The following KHDRBS3 variants were observed in gnomAD, a reference collection of about 807,000 sequenced individuals.
The protein encoded by KHDRBS3 is KH domain-containing, RNA-binding, signal transduction-associated protein 3.
KHDRBS3 carries 23 observed loss-of-function variants against 45.6 expected under a neutral mutation model. That is an observed-to-expected ratio of 0.50 (90% CI 0.36 to 0.72). The LOEUF (loss-of-function observed/expected upper bound fraction) is 0.72, where lower values mean the gene tolerates loss of function less well. KHDRBS3 is among the 30% of genes least tolerant of loss of function. KHDRBS3 has a pLI of 0.00. For synonymous variants in KHDRBS3, 162 were observed against 156.5 expected, an observed-to-expected ratio of 1.04 and a Z score of -0.26; for missense variants, 352 against 424.8, an observed-to-expected ratio of 0.83 and a Z score of 1.51.
intron 7 of KHDRBS3, among the ~76,000 whole-genome samples, chr8:135,614,173 C>T (rs1269288288): frequency 6.6e-6 from 1 of 151,842 alleles, no homozygotes; most frequent in East Asian, 1.9e-4. Context: ...GAAATATAAA[C>T]TATTCTTTAC....
chr8:135,488,458 G>A (rs942505487), intron 1 of KHDRBS3, among the ~76,000 whole-genome samples: 4 of 152,096 alleles, frequency 2.6e-5, no homozygotes, highest in Non-Finnish European at 4.4e-5. Context: ...TTTGCAGACC[G>A]ACTTCAGATT....
chr8:135,627,152 C>G (rs895373837), intron 7 of KHDRBS3, among the ~76,000 whole-genome samples: 1 of 152,146 alleles, frequency 6.6e-6, no homozygotes, highest in Non-Finnish European at 1.5e-5. Context: ...AGTTTTCTCT[C>G]ATGCAAGGAT....
At chr8:135,465,034 A>C (rs943586791) in intron 1 of KHDRBS3, among the ~76,000 whole-genome samples, 1 of 152,224 alleles carries the variant, frequency 6.6e-6, no homozygotes, top group East Asian at 1.9e-4. Flanking sequence ...TACCATACAG[A>C]GGGCACACAG....
At chr8:135,556,303 A>G (rs1162399994) in intron 4 of KHDRBS3, among the ~76,000 whole-genome samples, 1 of 152,222 alleles carries the variant, frequency 6.6e-6, no homozygotes, top group African/African-American at 2.4e-5. Context: ...TCCTTGAGGA[A>G]ACGCCACACT....
chr8:135,468,105 G>A (rs1049590924), intron 1 of KHDRBS3, among the ~76,000 whole-genome samples: 1 of 151,962 alleles, frequency 6.6e-6, no homozygotes, highest in African/African-American at 2.4e-5. Flanking sequence ...CTTTAATTCA[G>A]TGGGTTATAA....
chr8:135,640,164 G>C (rs570439325), intron 7 of KHDRBS3, among the ~76,000 whole-genome samples: 1 of 152,072 alleles, frequency 6.6e-6, no homozygotes, highest in Non-Finnish European at 1.5e-5. Context: ...GAGGACAGAT[G>C]GGGGTATGCA....
chr8:135,559,819 CCAAT>C (rs1827082504), intron 5 of KHDRBS3, among the ~76,000 whole-genome samples: 1 of 152,136 alleles, frequency 6.6e-6, no homozygotes, highest in Admixed American at 6.5e-5. Context: ...AGCAAACCTC[CCAAT>C]CAAGAAATTA....
intron 4 of KHDRBS3, chr8:135,549,958 T>TTC (rs1395187497): frequency 6.6e-6 from 1 of 152,220 alleles, no homozygotes; most frequent in Non-Finnish European, 1.5e-5. Context: ...GACAATCTAT[T>TTC]TCTTCTTTTA....
At chr8:135,546,896 C>T (rs889034817) in intron 3 of KHDRBS3, among the ~76,000 whole-genome samples, 3 of 152,030 alleles carry the variant, frequency 2.0e-5, no homozygotes, top group African/African-American at 7.2e-5. Context: ...TGTACCCTGG[C>T]TACAGCTATG....
chr8:135,552,136 TGGC>T (rs371771463), intron 4 of KHDRBS3, among the ~76,000 whole-genome samples: 74 of 152,302 alleles, frequency 4.9e-4, no homozygotes, highest in African/African-American at 1.8e-3. Context: ...TCCTATTTGT[TGGC>T]TAAGCTTTGT....
chr8:135,534,929 A>G (rs1437214438), intron 2 of KHDRBS3, among the ~76,000 whole-genome samples: 1 of 152,190 alleles, frequency 6.6e-6, no homozygotes, highest in Non-Finnish European at 1.5e-5. Flanking sequence ...CAGGTGAAGA[A>G]GAGTCAGGCA....
chr8:135,470,767 G>T (rs1449490164), intron 1 of KHDRBS3, among the ~76,000 whole-genome samples: 2 of 151,978 alleles, frequency 1.3e-5, no homozygotes, highest in African/African-American at 4.8e-5. Context: ...TGTAGTTTTA[G>T]TAGAGACGAA....
intron 2 of KHDRBS3, chr8:135,538,995 T>C (rs554477873): frequency 6.6e-6 from 1 of 152,310 alleles, no homozygotes; most frequent in African/African-American, 2.4e-5. Context: ...CATGGAGGAA[T>C]TGAACTTGCA....
intron 1 of KHDRBS3, among the ~76,000 whole-genome samples, chr8:135,517,815 A>C (rs932604943): frequency 5.3e-5 from 8 of 152,286 alleles, no homozygotes; most frequent in African/African-American, 1.9e-4. Context: ...CATCAGGCTT[A>C]AAAAATTTAA....
intron 1 of KHDRBS3, among the ~76,000 whole-genome samples, chr8:135,487,762 T>A (rs1822937566): frequency 6.6e-6 from 1 of 152,180 alleles, no homozygotes; most frequent in Non-Finnish European, 1.5e-5. Flanking sequence ...TATGGGTGGA[T>A]GGCTGCTGTA....
intron 6 of KHDRBS3, among the ~76,000 whole-genome samples, chr8:135,584,563 G>C (rs1828372833): frequency 6.6e-6 from 1 of 152,204 alleles, no homozygotes; most frequent in Non-Finnish European, 1.5e-5. Context: ...ATTTAGCTTA[G>C]CATTTTGTGA....
At chr8:135,622,890 A>C (rs1217765905) in intron 7 of KHDRBS3, among the ~76,000 whole-genome samples, 1 of 152,228 alleles carries the variant, frequency 6.6e-6, no homozygotes, top group African/African-American at 2.4e-5. Context: ...GTCTTTCCTC[A>C]AAGTTGTATA....
At position 135,647,195 on chromosome 8, in the gene KHDRBS3, T is replaced by C; in HGVS notation, c.*111T>C. ...TTTAAATAAATCAGAATGCTTAAAA[T>C]CTGAATGGATGGAACTTAAAACTAC... On this transcript the variant is annotated 3_prime_UTR_variant, in exon 9 of 9. Transcript: ENST00000355849. The C allele has an allele frequency of 2.5e-6, 1 of 396,388 alleles. No homozygotes were observed. The highest frequency in any genetic ancestry group is 4.6e-6 in the Non-Finnish European group (1 of 216,930). 24.6% of individuals were successfully genotyped at this position (396,388 alleles called of 1,614,324 possible).
At chr8:135,620,269 T>C (rs961386255) in intron 7 of KHDRBS3, among the ~76,000 whole-genome samples, 1 of 152,000 alleles carries the variant, frequency 6.6e-6, no homozygotes, top group Admixed American at 6.6e-5. Flanking sequence ...CTCAGCTAAT[T>C]TTCGTATTTT....
Sources: allele counts gnomAD v4.1 joint callset (sites outside exome capture counted in the v4.1 genomes callset), GRCh38; gene constraint gnomAD v4.1.1; transcripts MANE v1.5; gene names NCBI Gene and HGNC (gene_info 2026-07-23, HGNC 2026-07-21).